The following NAALADL2 variants were observed in gnomAD, a reference collection of about 807,000 sequenced individuals.
NAALADL2 encodes the protein N-acetylated alpha-linked acidic dipeptidase like 2.
In NAALADL2, 76 loss-of-function variants were observed where a neutral mutation model predicts 87.2. The ratio of observed to expected loss-of-function variants is 0.87; its 90% CI spans 0.72 to 1.05. The LOEUF (loss-of-function observed/expected upper bound fraction) is 1.05, where lower values mean the gene tolerates loss of function less well. Among genes scored for constraint, NAALADL2 ranks in the 50% least tolerant of loss-of-function variants. NAALADL2 has a pLI of 0.00. For missense variants in NAALADL2, 1,089 were observed against 945.8 expected, an observed-to-expected ratio of 1.15 and a Z score of -1.99; for synonymous variants, 354 against 331.0, an observed-to-expected ratio of 1.07 and a Z score of -0.75.
chr3:175,770,358 T>C (rs1324214629), intron 13 of NAALADL2, among the ~76,000 whole-genome samples: 1 of 152,200 alleles, frequency 6.6e-6, no homozygotes, highest in Non-Finnish European at 1.5e-5. Flanking sequence ...AAAGAATGAA[T>C]CTTTTCTAAA....
chr3:174,959,619 A>T (rs1357528581), intron 1 of NAALADL2, among the ~76,000 whole-genome samples: 1 of 152,062 alleles, frequency 6.6e-6, no homozygotes, highest in Admixed American at 6.6e-5. Context: ...AATTGCAAAG[A>T]TTAACATGTT....
At chr3:175,402,086 G>A (rs1294896871) in intron 5 of NAALADL2, among the ~76,000 whole-genome samples, 1 of 151,938 alleles carries the variant, frequency 6.6e-6, no homozygotes, top group Non-Finnish European at 1.5e-5. Context: ...TTAATAGGTT[G>A]ATGGAAAATA....
At chr3:175,796,663 G>A (rs75634248) in intron 13 of NAALADL2, among the ~76,000 whole-genome samples, 1 of 152,194 alleles carries the variant, frequency 6.6e-6, no homozygotes, top group East Asian at 1.9e-4. Flanking sequence ...AGCAACAATT[G>A]TATGAAATTT....
chr3:175,081,363 T>C (rs954066243), intron 1 of NAALADL2, among the ~76,000 whole-genome samples: 3 of 152,208 alleles, frequency 2.0e-5, no homozygotes, highest in Non-Finnish European at 4.4e-5. Flanking sequence ...ATGATTTTGA[T>C]GTTCACTGGT....
chr3:174,512,838 T>C (rs1238509014), intron 1 of NAALADL2, among the ~76,000 whole-genome samples: 2 of 152,172 alleles, frequency 1.3e-5, no homozygotes, highest in Admixed American at 6.5e-5. Context: ...TTTATATAGT[T>C]ACTCTGGTTT....
At chr3:175,439,734 T>TC (rs1397772525) in intron 5 of NAALADL2, among the ~76,000 whole-genome samples, 5 of 147,222 alleles carry the variant, frequency 3.4e-5, no homozygotes, top group Non-Finnish European at 4.5e-5. Flanking sequence ...TTTTTTTCTT[T>TC]TTTTTCTTTT....
At position 175,306,418 on chromosome 3, in the gene NAALADL2, G is replaced by A. The variant is rs915493265; in HGVS notation, c.940-17757G>A. 9.9e-5 allele frequency among the ~76,000 whole-genome samples: 15 copies of A among 152,062 alleles called. No individual in the cohort carries two copies. In the South Asian group the frequency reaches 1.0e-3, roughly 11 times the overall value. ...GGGTGACTTATGAATTCCTTCACAG[G>A]TGGACATTCCTCCTACACAAACTCT... On this transcript the variant is annotated intron_variant, in intron 4 of 13. Transcript: ENST00000454872.
At chr3:175,479,577 A>G (rs1430240829) in intron 9 of NAALADL2, among the ~76,000 whole-genome samples, 2 of 151,710 alleles carry the variant, frequency 1.3e-5, no homozygotes, top group Non-Finnish European at 3.0e-5. Context: ...TTGATAATGA[A>G]TTTTTCAAAT....
At chr3:175,783,937 T>C (rs919693073) in intron 13 of NAALADL2, among the ~76,000 whole-genome samples, 10 of 141,056 alleles carry the variant, frequency 7.1e-5, no homozygotes, top group African/African-American at 2.4e-4. Context: ...TGTCAAAGGC[T>C]TTTTCTGCAT....
intron 4 of NAALADL2, among the ~76,000 whole-genome samples, chr3:175,293,425 GA>G (rs555391976): frequency 2.0e-5 from 3 of 151,810 alleles, no homozygotes; most frequent in Admixed American, 1.3e-4. Flanking sequence ...TATCGATATG[GA>G]AAAAAAAGAT....
intron 6 of NAALADL2, among the ~76,000 whole-genome samples, chr3:175,449,394 CTTT>C (rs1185888984): frequency 4.1e-5 from 2 of 48,536 alleles, no homozygotes; most frequent in Non-Finnish European, 4.7e-5. Context: ...TAATTTTCTT[CTTT>C]TTTTTTTTTT....
At chr3:175,767,472 T>A (rs903772929) in intron 13 of NAALADL2, 4 of 152,038 alleles carry the variant, frequency 2.6e-5, no homozygotes, top group South Asian at 2.1e-4. Flanking sequence ...TAGAAGGCAA[T>A]CTAGATATTC....
chr3:174,498,708 T>C (rs904375111), intron 1 of NAALADL2, among the ~76,000 whole-genome samples: 1 of 151,878 alleles, frequency 6.6e-6, no homozygotes, highest in Admixed American at 6.6e-5. Context: ...CATCCCGGTC[T>C]GCAGTGTATG....
intron 11 of NAALADL2, among the ~76,000 whole-genome samples, chr3:175,666,259 A>G (rs1295273828): frequency 6.6e-6 from 1 of 152,102 alleles, no homozygotes; most frequent in African/African-American, 2.4e-5. Flanking sequence ...AACTTCCCTG[A>G]TTTTATAGAG....
chr3:175,594,203 T>A (rs1721935674), intron 10 of NAALADL2, among the ~76,000 whole-genome samples: 1 of 152,264 alleles, frequency 6.6e-6, no homozygotes, highest in Non-Finnish European at 1.5e-5. Context: ...TTTATATTCA[T>A]GTGTGCTCAG....
At chr3:175,152,277 A>G (rs773538814) in intron 2 of NAALADL2, among the ~76,000 whole-genome samples, 2 of 152,196 alleles carry the variant, frequency 1.3e-5, no homozygotes, top group Non-Finnish European at 2.9e-5. Flanking sequence ...TCATAGATCT[A>G]GTTATTTGCC....
At chr3:174,734,127 A>C (rs921658131) in intron 2 of NAALADL2, among the ~76,000 whole-genome samples, 1 of 152,170 alleles carries the variant, frequency 6.6e-6, no homozygotes, top group Non-Finnish European at 1.5e-5. Context: ...TACTAAAATT[A>C]TCATTAATTT....
chr3:175,480,656 G>GT (rs1037225389), intron 9 of NAALADL2, among the ~76,000 whole-genome samples: 8 of 151,846 alleles, frequency 5.3e-5, no homozygotes, highest in Admixed American at 2.0e-4. Context: ...AAATAAAATA[G>GT]TTTTTTCTGG....
intron 2 of NAALADL2, among the ~76,000 whole-genome samples, chr3:175,100,963 G>A (rs933618937): frequency 2.0e-5 from 3 of 152,102 alleles, no homozygotes; most frequent in Non-Finnish European, 2.9e-5. Flanking sequence ...TTGGAGAGGG[G>A]AGAAGCTTGA....
Sources: gnomAD v4.1 joint callset for allele counts (sites outside exome capture counted in the v4.1 genomes callset) on GRCh38, gnomAD v4.1.1 for gene constraint, MANE v1.5 for transcripts, NCBI Gene and HGNC (gene_info 2026-07-23, HGNC 2026-07-21) for gene names.